Variants in TENM3 observed in about 807,000 individuals in gnomAD.
The protein encoded by TENM3 is teneurin transmembrane protein 3.
In TENM3, 63 loss-of-function variants were observed where a neutral mutation model predicts 255.1. The ratio of observed to expected loss-of-function variants is 0.25; its 90% CI spans 0.20 to 0.30. The LOEUF (loss-of-function observed/expected upper bound fraction) is 0.30. Ranked by LOEUF, TENM3 falls within the 10% of genes least tolerant of loss-of-function variation. The pLI is 1.00. For missense variants in TENM3, 2,929 were observed against 3,461.1 expected (o/e 0.85, Z 3.86); for synonymous variants, 1,306 against 1,322.3 (o/e 0.99, Z 0.27).
In TENM3 at chr4:182,755,240, G is replaced by T; in HGVS notation, c.4873G>T (p.Gly1625Ter). 1 of 1,601,126 alleles carries T rather than the reference G, an allele frequency of 6.2e-7. No individual in the cohort carries two copies. The highest frequency in any genetic ancestry group is 1.1e-5 in the South Asian group (1 of 89,654). ...TTTAGCCACTAAAAGTGATGAAACT[G>T]GATGGACAACGTTTTTTGAGTAAGT... ...GLLATKSDET[G>*]WTTFFDYDSE... The change falls in exon 22 of 28, where the codon GGA becomes TGA. Residue 1625 changes from glycine (G) to a stop codon, truncating the protein, a stop_gained. Transcript: ENST00000511685. LOFTEE classifies it high-confidence loss of function.
chr4:182,529,040 AT>A lies in TENM3; in HGVS notation c.512-71879del, dbSNP rs538965824. On this transcript the variant is annotated intron_variant, in intron 3 of 27. Coordinates refer to ENST00000511685, the MANE Select transcript of TENM3 (RefSeq NM_001080477.4). ...TGTCAACGTTTAGCTGCGGTAACAA[AT>A]TTTTGTGATTTCTATGCTTGCGACA... is the stretch of plus-strand genomic sequence containing the variant. 8.7e-4 allele frequency among the ~76,000 whole-genome samples: 133 copies of A among 152,338 alleles called. 4 individuals are homozygous for A. The highest frequency in any genetic ancestry group is 3.1e-3 in the African/African-American group (128 of 41,584).
chr4:181,799,494 C>T, the TENM3 span, among the ~76,000 whole-genome samples: 1 of 152,174 alleles, frequency 6.6e-6, no homozygotes, highest in South Asian at 2.1e-4. Flanking sequence ...AAATTGTGTA[C>T]CTAACTCCTC....
chr4:182,215,725 CT>C (rs1260744529), intron 1 of TENM3, among the ~76,000 whole-genome samples: 1 of 152,126 alleles, frequency 6.6e-6, no homozygotes, highest in Non-Finnish European at 1.5e-5. Flanking sequence ...ACACACGGGT[CT>C]TTTTACTCAC....
the TENM3 span, among the ~76,000 whole-genome samples, chr4:182,080,516 G>A: frequency 6.6e-6 from 1 of 152,124 alleles, no homozygotes; most frequent in South Asian, 2.1e-4. Context: ...TCTATGTTTA[G>A]ATTAACAATA....
At chr4:181,825,128 C>T in the TENM3 span, among the ~76,000 whole-genome samples, 21 of 152,232 alleles carry the variant, frequency 1.4e-4, no homozygotes, top group African/African-American at 3.4e-4. Flanking sequence ...TCAGGCTGGA[C>T]GCGGTGGCTC....
At chr4:181,728,794 T>G in the TENM3 span, among the ~76,000 whole-genome samples, 1 of 152,198 alleles carries the variant, frequency 6.6e-6, no homozygotes, top group African/African-American at 2.4e-5. Flanking sequence ...CCAGCAGGTC[T>G]CAGCTTTCTT....
At chr4:181,548,591 G>A in the TENM3 span, among the ~76,000 whole-genome samples, 1 of 152,100 alleles carries the variant, frequency 6.6e-6, no homozygotes, top group African/African-American at 2.4e-5. Flanking sequence ...TAATTTCCAC[G>A]TGGATTCCTC....
chr4:181,726,146 A>C, the TENM3 span, among the ~76,000 whole-genome samples: 1 of 152,116 alleles, frequency 6.6e-6, no homozygotes, highest in Non-Finnish European at 1.5e-5. Context: ...AAATTAGCAA[A>C]TTTTATTTAA....
At chr4:181,563,560 A>C in the TENM3 span, among the ~76,000 whole-genome samples, 1 of 152,226 alleles carries the variant, frequency 6.6e-6, no homozygotes, top group African/African-American at 2.4e-5. Flanking sequence ...CTTGGAAGAT[A>C]GTCTTTACCT....
intron 1 of TENM3, among the ~76,000 whole-genome samples, chr4:182,252,951 G>C (rs146044436): frequency 6.4e-4 from 97 of 152,266 alleles, no homozygotes; most frequent in African/African-American, 2.3e-3. Flanking sequence ...GCAAGGATCT[G>C]GACCCAGGCC....
the TENM3 span, among the ~76,000 whole-genome samples, chr4:181,661,905 T>TA: frequency 0.33 from 44,569 of 133,810 alleles, 7,254 homozygotes; most frequent in Admixed American, 0.47. Flanking sequence ...TGGCAGTTTG[T>TA]AAAAAAAAAA....
the TENM3 span, among the ~76,000 whole-genome samples, chr4:181,569,974 G>A: frequency 6.6e-6 from 1 of 151,438 alleles, no homozygotes; most frequent in Admixed American, 6.6e-5. Context: ...GTGTGTGCAG[G>A]TAAAAGAGAG....
At chr4:182,111,189 C>CTTTTTTTTTTCT in the TENM3 span, among the ~76,000 whole-genome samples, 1 of 80,526 alleles carries the variant, frequency 1.2e-5, no homozygotes, top group African/African-American at 5.3e-5. Flanking sequence ...GTCTTCTTCT[C>CTTTTTTTTTTCT]TTTTTTTTTT....
At chr4:182,739,410 G>C (rs544693865) in intron 18 of TENM3, among the ~76,000 whole-genome samples, 1 of 152,248 alleles carries the variant, frequency 6.6e-6, no homozygotes, top group South Asian at 2.1e-4. Context: ...GGAAAAGCAG[G>C]ACCGTAAGTT....
chr4:181,862,692 T>C, the TENM3 span, among the ~76,000 whole-genome samples: 255 of 152,348 alleles, frequency 1.7e-3, 2 homozygotes, highest in Non-Finnish European at 3.0e-3. Flanking sequence ...TGTGTTTTTC[T>C]AAATTGCTAC....
chr4:181,560,123 GCTGGGAAGT>G, the TENM3 span, among the ~76,000 whole-genome samples: 1 of 152,200 alleles, frequency 6.6e-6, no homozygotes, highest in Non-Finnish European at 1.5e-5. Context: ...GGTCTTGGAG[GCTGGGAAGT>G]TCAAGGTTTA....
chr4:181,855,977 A>G, the TENM3 span, among the ~76,000 whole-genome samples: 1 of 143,958 alleles, frequency 6.9e-6, no homozygotes, highest in East Asian at 2.1e-4. Flanking sequence ...GAAGGAAAAG[A>G]GGGAGGAAAG....
chr4:182,151,201 C>T (rs1328297745), intron 1 of TENM3, among the ~76,000 whole-genome samples: 10 of 151,970 alleles, frequency 6.6e-5, no homozygotes, highest in East Asian at 1.9e-4. Flanking sequence ...CTAGAAGGTA[C>T]GTTATGCAGA....
At chr4:182,499,497 G>T (rs192974062) in intron 3 of TENM3, among the ~76,000 whole-genome samples, 2 of 152,220 alleles carry the variant, frequency 1.3e-5, no homozygotes, top group African/African-American at 4.8e-5. Context: ...AACTCTATTA[G>T]AGCCCATGGG....
Sources: allele counts gnomAD v4.1 joint callset (sites outside exome capture counted in the v4.1 genomes callset), GRCh38; gene constraint gnomAD v4.1.1; transcripts MANE v1.5; gene names NCBI Gene and HGNC (gene_info 2026-07-23, HGNC 2026-07-21).